Variants in AGMO observed in about 807,000 individuals in gnomAD.
AGMO encodes the protein alkylglycerol monooxygenase.
AGMO carries 75 observed loss-of-function variants against 60.2 expected under a neutral mutation model. The observed-to-expected ratio is 1.25, with a 90% CI of 1.03 to 1.51. AGMO has a LOEUF of 1.51. Among genes scored for constraint, AGMO ranks in the 40% most tolerant of loss-of-function variants. The pLI, the probability that AGMO is intolerant of heterozygous loss-of-function variation, is 0.00. For synonymous variants in AGMO, 261 were observed against 177.1 expected (o/e 1.47, Z -3.76); for missense variants, 763 against 525.5 (o/e 1.45, Z -4.42).
At chr7:15,194,554 C>T in the AGMO span, among the ~76,000 whole-genome samples, 1 of 152,138 alleles carries the variant, frequency 6.6e-6, no homozygotes, top group South Asian at 2.1e-4. Context: ...TTCTTCAGCA[C>T]ACTTATTCCT....
At chr7:15,283,812 T>C (rs10479948) in intron 12 of AGMO, among the ~76,000 whole-genome samples, 4,904 of 151,930 alleles carry the variant, frequency 0.032, 255 homozygotes, top group African/African-American at 0.11. Flanking sequence ...GTCTCCAAGA[T>C]AGACCATATG....
At chr7:15,560,376 C>T (rs1015180374) in intron 1 of AGMO, 105 bp from the exon 2 acceptor site, 4 of 1,249,454 alleles carry the variant, frequency 3.2e-6, no homozygotes, top group Non-Finnish European at 4.4e-6. Flanking sequence ...ATTTGGGAAG[C>T]CCTGCAGGAG....
chr7:15,518,919 G>A (rs1210655396), intron 3 of AGMO, among the ~76,000 whole-genome samples: 5 of 151,746 alleles, frequency 3.3e-5, no homozygotes, highest in Non-Finnish European at 1.5e-5. Context: ...TAAGAATATT[G>A]ATAAAAAGTT....
chr7:15,232,478 C>A (rs573581989), intron 12 of AGMO, among the ~76,000 whole-genome samples: 8 of 152,026 alleles, frequency 5.3e-5, no homozygotes, highest in Admixed American at 5.2e-4. Context: ...AGAATACATG[C>A]GGCATAAAAA....
the AGMO span, among the ~76,000 whole-genome samples, chr7:15,193,805 A>G: frequency 6.6e-6 from 1 of 152,192 alleles, no homozygotes; most frequent in African/African-American, 2.4e-5. Context: ...TTTTTTTCAA[A>G]GTCTTACTCA....
chr7:15,380,423 T>C (rs980205873), intron 10 of AGMO, among the ~76,000 whole-genome samples: 3 of 151,948 alleles, frequency 2.0e-5, no homozygotes, highest in Non-Finnish European at 4.4e-5. Context: ...GCCACAAGAA[T>C]AATAAAATAC....
At position 15,531,430 on chromosome 7, in the gene AGMO, A is replaced by ATATATATATTCTATATATATTC. The variant is rs1784346252; in HGVS notation, c.409+13320_409+13341dup. On this transcript the variant is annotated intron_variant, in intron 3 of 12. Transcript: ENST00000342526. ...TCTATATATATTCTATATATATTCT[A>ATATATATATTCTATATATATTC]TATATATATTCTATATATATTCTCT... Among the ~76,000 whole-genome samples, 4 of 18,268 alleles carry ATATATATATTCTATATATATTC rather than the reference A, an allele frequency of 2.2e-4. 1 individual carries two copies. The highest frequency in any genetic ancestry group is 3.4e-4 in the Non-Finnish European group (4 of 11,742). The allele number at this position is 18,268 out of a possible 152,430, so 12.0% of individuals were successfully genotyped here. A position where few individuals can be genotyped will look rare whatever the true frequency, so the allele number is the denominator to read the frequency against.
intron 12 of AGMO, among the ~76,000 whole-genome samples, chr7:15,338,847 A>T (rs1781743739): frequency 6.6e-6 from 1 of 152,138 alleles, no homozygotes; most frequent in African/African-American, 2.4e-5. Flanking sequence ...ATCAAAATAA[A>T]AACTACCCAG....
At chr7:15,424,749 G>A (rs1430254769) in intron 4 of AGMO, among the ~76,000 whole-genome samples, 3 of 152,106 alleles carry the variant, frequency 2.0e-5, no homozygotes, top group East Asian at 1.9e-4. Context: ...TTGGAGTTCC[G>A]AGGCAAAGTT....
At chr7:15,424,962 T>G (rs1220767588) in intron 4 of AGMO, among the ~76,000 whole-genome samples, 1 of 152,196 alleles carries the variant, frequency 6.6e-6, no homozygotes, top group Non-Finnish European at 1.5e-5. Context: ...TTATGTAGTT[T>G]GGCAGGGAGT....
intron 12 of AGMO, among the ~76,000 whole-genome samples, chr7:15,275,924 T>C (rs760151792): frequency 6.6e-6 from 1 of 151,866 alleles, no homozygotes; most frequent in Non-Finnish European, 1.5e-5. Flanking sequence ...GTGGGTTTCT[T>C]TCGTCATTAG....
Position 15,237,580 on chromosome 7 carries a change from A to C in AGMO, c.1264-36221T>G, listed in dbSNP as rs915322926. On this transcript the variant is annotated intron_variant, in intron 12 of 12. Coordinates refer to ENST00000342526, the MANE Select transcript of AGMO (RefSeq NM_001004320.2). The stretch of plus-strand genomic sequence containing the variant: ...AGTCTGTTTCAGAAGGTAGAATATG[A>C]GAGAGCAGGGAAACTAAAAGATATC... Among the ~76,000 whole-genome samples the C allele has an allele frequency of 4.6e-5, 7 of 152,212 alleles. No homozygotes were observed. In the East Asian group the frequency reaches 1.4e-3, roughly 29 times the overall value.
chr7:15,308,217 CTT>C (rs910017671), intron 12 of AGMO, among the ~76,000 whole-genome samples: 1 of 152,062 alleles, frequency 6.6e-6, no homozygotes, highest in African/African-American at 2.4e-5. Context: ...AACAATCAGA[CTT>C]TTACCCCTCA....
chr7:15,143,465 G>C, the AGMO span, among the ~76,000 whole-genome samples: 2 of 152,102 alleles, frequency 1.3e-5, no homozygotes, highest in Admixed American at 1.3e-4. Context: ...TGACACACTG[G>C]ATGCCAACAT....
intron 12 of AGMO, among the ~76,000 whole-genome samples, chr7:15,269,265 A>G (rs1783524413): frequency 6.6e-6 from 1 of 152,118 alleles, no homozygotes; most frequent in African/African-American, 2.4e-5. Context: ...ATGGATATCA[A>G]TAGTCTTTTC....
At chr7:15,151,908 G>A in the AGMO span, among the ~76,000 whole-genome samples, 1 of 152,078 alleles carries the variant, frequency 6.6e-6, no homozygotes, top group African/African-American at 2.4e-5. Context: ...TGGTCTTTTA[G>A]GTCTGTGATT....
chr7:15,497,109 G>A (rs1336177163), intron 3 of AGMO, among the ~76,000 whole-genome samples: 1 of 152,172 alleles, frequency 6.6e-6, no homozygotes, highest in Non-Finnish European at 1.5e-5. Flanking sequence ...CCTCACCGTA[G>A]TTCTCCCACT....
the AGMO span, among the ~76,000 whole-genome samples, chr7:15,160,180 C>T: frequency 3.9e-4 from 59 of 152,242 alleles, no homozygotes; most frequent in South Asian, 4.3e-3. Flanking sequence ...GGATTGATCA[C>T]GGAACAGCGA....
At chr7:15,267,174 G>A (rs1260971076) in intron 12 of AGMO, among the ~76,000 whole-genome samples, 2 of 151,880 alleles carry the variant, frequency 1.3e-5, no homozygotes, top group Non-Finnish European at 2.9e-5. Context: ...CAAAAAATTG[G>A]CAGAGATTTT....
Sources: gnomAD v4.1 joint callset for allele counts (sites outside exome capture counted in the v4.1 genomes callset) on GRCh38, gnomAD v4.1.1 for gene constraint, MANE v1.5 for transcripts, NCBI Gene and HGNC (gene_info 2026-07-23, HGNC 2026-07-21) for gene names.